PTPRD: variants seen among roughly 807,000 people sequenced by gnomAD.
The protein encoded by PTPRD is protein tyrosine phosphatase receptor type D, also known as receptor-type tyrosine-protein phosphatase delta.
Under a neutral mutation model 214.5 loss-of-function variants are expected in PTPRD, and 34 were observed. The ratio of observed to expected loss-of-function variants is 0.16; its 90% CI spans 0.12 to 0.21. PTPRD has a LOEUF of 0.21. PTPRD is among the 10% of genes least tolerant of loss of function. The pLI is 1.00. For missense variants in PTPRD, 2,545 were observed against 2,398.7 expected (o/e 1.06, Z -1.27); for synonymous variants, 1,128 against 845.7 (o/e 1.33, Z -5.79).
chr9:10,333,151 G>A (rs1280178046), intron 3 of PTPRD, among the ~76,000 whole-genome samples: 4 of 151,758 alleles, frequency 2.6e-5, no homozygotes, highest in Non-Finnish European at 4.4e-5. Context: ...ACAGTAAGTG[G>A]AGAGAAACAG....
chr9:9,225,463 C>T (rs4409444), intron 9 of PTPRD, among the ~76,000 whole-genome samples: 17,850 of 151,962 alleles, frequency 0.12, 1,332 homozygotes, highest in Admixed American at 0.17. Flanking sequence ...CCTCACACCT[C>T]GGAGAAAAAC....
chr9:9,938,751 C>A (rs186864443), intron 4 of PTPRD, 141 bp from the exon 5 acceptor site: 34 of 152,234 alleles, frequency 2.2e-4, no homozygotes, highest in Admixed American at 2.1e-3. Flanking sequence ...AAACTCTTCA[C>A]CTCTATAATT....
intron 7 of PTPRD, among the ~76,000 whole-genome samples, chr9:9,731,557 C>G (rs145050571): frequency 0.014 from 2,064 of 151,918 alleles, 43 homozygotes; most frequent in African/African-American, 0.047. Context: ...TATGCTGCAC[C>G]CATTAACTCG....
intron 14 of PTPRD, among the ~76,000 whole-genome samples, chr9:8,598,491 C>T (rs972862405): frequency 1.9e-4 from 28 of 144,904 alleles, no homozygotes; most frequent in African/African-American, 7.5e-4. Flanking sequence ...AATAAATAAA[C>T]AAATAAACCC....
chr9:10,184,542 T>C (rs2099319641), intron 3 of PTPRD, among the ~76,000 whole-genome samples: 1 of 152,306 alleles, frequency 6.6e-6, no homozygotes, highest in East Asian at 1.9e-4. Context: ...GCACAATGCA[T>C]AGAATATAGT....
rs376351711 is a variant in PTPRD at position 9,151,114 on chromosome 9, G to T, written c.-143+32190C>A. 2.0e-4 allele frequency among the ~76,000 whole-genome samples: 30 copies of T among 152,286 alleles called. 3 individuals carry two copies. The highest frequency in any genetic ancestry group is 1.5e-3 in the East Asian group (8 of 5,182). On this transcript the variant is annotated intron_variant, in intron 10 of 45. Coordinates refer to ENST00000381196, the MANE Select transcript of PTPRD (RefSeq NM_002839.4). ...ATATTTAGGGGTAGGAATGGCTCTA[G>T]CCTCCATTCCCATCATCCCCTTCAA... is the stretch of plus-strand genomic sequence containing the variant.
At chr9:8,404,382 G>A (rs974533614) in intron 36 of PTPRD, among the ~76,000 whole-genome samples, 155 bp downstream of exon 36, 1 of 152,172 alleles carries the variant, frequency 6.6e-6, no homozygotes, top group African/African-American at 2.4e-5. Context: ...ACCCGCCTCA[G>A]CCTCCCAAAG....
chr9:10,598,700 GTGTGGTGTGTGGTGT>G (rs770282232), intron 2 of PTPRD, among the ~76,000 whole-genome samples: 11 of 85,632 alleles, frequency 1.3e-4, no homozygotes, highest in Non-Finnish European at 2.4e-4. Context: ...GTGTGTGTGT[GTGTGGTGTGTGGTGT>G]GTGTGTGTGT....
At chr9:9,335,224 G>A (rs2043963014) in intron 9 of PTPRD, among the ~76,000 whole-genome samples, 1 of 151,974 alleles carries the variant, frequency 6.6e-6, no homozygotes, top group Non-Finnish European at 1.5e-5. Flanking sequence ...CCTGATTGCA[G>A]TTCATATTAC....
chr9:9,659,675 A>G (rs1227670136), intron 7 of PTPRD, among the ~76,000 whole-genome samples: 1 of 152,116 alleles, frequency 6.6e-6, no homozygotes, highest in Non-Finnish European at 1.5e-5. Flanking sequence ...AAAAATAAAT[A>G]GTACAATAAA....
chr9:8,823,356 T>C (rs569110840), intron 11 of PTPRD, among the ~76,000 whole-genome samples: 45 of 152,308 alleles, frequency 3.0e-4, no homozygotes, highest in Non-Finnish European at 5.0e-4. Context: ...AATTGTACCT[T>C]TGAACTACAG....
chr9:8,331,500 GCAAACTTACTACAAA>G, intron 44 of PTPRD, 67 bp downstream of exon 44: 1 of 1,489,020 alleles, frequency 6.7e-7, no homozygotes, highest in Non-Finnish European at 9.1e-7. Context: ...TTTCAAATAA[GCAAACTTACTACAAA>G]AAGTGTATAC....
At chr9:9,902,377 C>T (rs897002753) in intron 5 of PTPRD, among the ~76,000 whole-genome samples, 1 of 152,042 alleles carries the variant, frequency 6.6e-6, no homozygotes, top group Non-Finnish European at 1.5e-5. Context: ...GTATTGTTTT[C>T]ATTTCCTGAG....
At chr9:8,486,459 CCAAAA>C (rs757008532) in intron 27 of PTPRD, 110 bp from the exon 28 acceptor site, 12 of 979,502 alleles carry the variant, frequency 1.2e-5, no homozygotes, top group Non-Finnish European at 1.5e-5. Context: ...TTCTTACTTA[CCAAAA>C]CAAAACAAAA....
At chr9:10,366,810 CAT>C (rs2097525679) in intron 2 of PTPRD, among the ~76,000 whole-genome samples, 1 of 152,058 alleles carries the variant, frequency 6.6e-6, no homozygotes, top group African/African-American at 2.4e-5. Flanking sequence ...TAAAAAAACT[CAT>C]AATTCTCCTT....
At position 9,790,144 on chromosome 9, in the gene PTPRD, C is replaced by T. The variant is rs144535347; in HGVS notation, c.-367-23293G>A. 4.6e-3 allele frequency among the ~76,000 whole-genome samples: 702 copies of T among 152,186 alleles called. 6 individuals carry two copies. The highest frequency in any genetic ancestry group is 0.016 in the African/African-American group (658 of 41,528). The stretch of plus-strand genomic sequence containing the variant: ...GAATCTAGACTGTACTATTCGTTAG[C>T]TCTCCATCCTCAGATTTAATGTACC... On this transcript the variant is annotated intron_variant, in intron 5 of 45. Transcript: ENST00000381196.
intron 6 of PTPRD, among the ~76,000 whole-genome samples, chr9:9,757,491 C>A (rs531876456): frequency 6.6e-6 from 1 of 152,136 alleles, no homozygotes; most frequent in East Asian, 1.9e-4. Context: ...CAGTTATTTT[C>A]TCAATAGGGA....
At chr9:8,585,396 A>G (rs1431474270) in intron 14 of PTPRD, among the ~76,000 whole-genome samples, 1 of 152,210 alleles carries the variant, frequency 6.6e-6, no homozygotes, top group Non-Finnish European at 1.5e-5. Context: ...ACTAAACTAC[A>G]CCAACTATAG....
At chr9:10,075,430 T>C (rs1008254999) in intron 3 of PTPRD, among the ~76,000 whole-genome samples, 2 of 152,024 alleles carry the variant, frequency 1.3e-5, no homozygotes, top group Non-Finnish European at 2.9e-5. Flanking sequence ...TTCCACAGTA[T>C]TTCTCATCTT....
Sources: gnomAD v4.1 joint callset for allele counts (sites outside exome capture counted in the v4.1 genomes callset) on GRCh38, gnomAD v4.1.1 for gene constraint, MANE v1.5 for transcripts, NCBI Gene and HGNC (gene_info 2026-07-23, HGNC 2026-07-21) for gene names.